The following GALNTL6 variants were observed in gnomAD, a reference collection of about 807,000 sequenced individuals.
GALNTL6 encodes polypeptide N-acetylgalactosaminyltransferase like 6.
Under a neutral mutation model 73.7 loss-of-function variants are expected in GALNTL6, and 46 were observed. That is an observed-to-expected ratio of 0.62 (90% CI 0.49 to 0.80). The LOEUF is 0.80. Ranked by LOEUF, GALNTL6 falls within the 30% of genes least tolerant of loss-of-function variation. The pLI is 0.00. For synonymous variants in GALNTL6, 259 were observed against 263.7 expected, an observed-to-expected ratio of 0.98 and a Z score of 0.17; for missense variants, 604 against 755.0, an observed-to-expected ratio of 0.80 and a Z score of 2.34.
At chr4:172,660,046 C>T (rs1221529093) in intron 5 of GALNTL6, among the ~76,000 whole-genome samples, 1 of 152,212 alleles carries the variant, frequency 6.6e-6, no homozygotes, top group Non-Finnish European at 1.5e-5. Flanking sequence ...TCACTTCAGC[C>T]TCAACCTTTC....
chr4:172,942,013 GCA>G (rs1748942506), intron 9 of GALNTL6, among the ~76,000 whole-genome samples: 2 of 152,144 alleles, frequency 1.3e-5, no homozygotes, highest in South Asian at 4.1e-4. Flanking sequence ...ATTTCCAACT[GCA>G]ATTCCAGCCC....
chr4:172,474,766 A>G (rs1393764578), intron 5 of GALNTL6, among the ~76,000 whole-genome samples: 1 of 152,214 alleles, frequency 6.6e-6, no homozygotes, highest in South Asian at 2.1e-4. Flanking sequence ...ATTCTCTTGG[A>G]ATGAATGAAA....
chr4:173,023,175 G>C (rs1474499896), intron 12 of GALNTL6, among the ~76,000 whole-genome samples: 1 of 152,212 alleles, frequency 6.6e-6, no homozygotes, highest in African/African-American at 2.4e-5. Context: ...TGGAGAGTCA[G>C]TGTGGGGAGA....
chr4:172,320,029 C>A (rs531842899), intron 4 of GALNTL6, among the ~76,000 whole-genome samples: 2 of 152,170 alleles, frequency 1.3e-5, no homozygotes, highest in South Asian at 2.1e-4. Context: ...ATCCAAGAGC[C>A]GTTTACCTAG....
At chr4:172,714,587 A>C (rs1021654776) in intron 5 of GALNTL6, among the ~76,000 whole-genome samples, 1 of 152,174 alleles carries the variant, frequency 6.6e-6, no homozygotes, top group African/African-American at 2.4e-5. Flanking sequence ...ATTTATGTAA[A>C]AATGTACTAT....
intron 4 of GALNTL6, among the ~76,000 whole-genome samples, chr4:172,334,543 C>T (rs1378986075): frequency 6.6e-6 from 1 of 152,030 alleles, no homozygotes; most frequent in Admixed American, 6.6e-5. Context: ...CTTTGGTGTA[C>T]AGAAGTGCTA....
intron 5 of GALNTL6, among the ~76,000 whole-genome samples, chr4:172,670,621 G>C (rs1313807305): frequency 1.3e-5 from 2 of 151,936 alleles, no homozygotes; most frequent in Non-Finnish European, 2.9e-5. Context: ...TTTGCTGATA[G>C]TTTCTTTTGT....
intron 2 of GALNTL6, among the ~76,000 whole-genome samples, chr4:172,047,637 A>C (rs1742259803): frequency 6.6e-6 from 1 of 152,182 alleles, no homozygotes; most frequent in Non-Finnish European, 1.5e-5. Flanking sequence ...TTTTGCAGTC[A>C]ATATCATTAT....
chr4:171,864,351 C>A (rs1735917586), intron 2 of GALNTL6, among the ~76,000 whole-genome samples: 1 of 149,928 alleles, frequency 6.7e-6, no homozygotes, highest in Non-Finnish European at 1.5e-5. Flanking sequence ...AAAGACAACT[C>A]AGTCTATGAT....
intron 2 of GALNTL6, among the ~76,000 whole-genome samples, chr4:172,220,713 A>C (rs1195085203): frequency 1.3e-5 from 2 of 151,868 alleles, no homozygotes; most frequent in Non-Finnish European, 3.0e-5. Context: ...TTTCAAATAC[A>C]AAGTTTGGAT....
chr4:172,897,879 C>T (rs1267685985), intron 8 of GALNTL6, among the ~76,000 whole-genome samples: 1 of 152,178 alleles, frequency 6.6e-6, no homozygotes, highest in Admixed American at 6.5e-5. Flanking sequence ...AAACTACTTC[C>T]TTCCAATCTT....
At position 172,865,205 on chromosome 4, in the gene GALNTL6, A is replaced by G. The variant is rs190005722; in HGVS notation, c.924-17585A>G. On this transcript the variant is annotated intron_variant, in intron 7 of 12. Coordinates refer to ENST00000506823, the MANE Select transcript of GALNTL6 (RefSeq NM_001034845.3). ...GCTGTCATAGAGAAAAGGCTGGTGC[A>G]CTAGTGCACAATAACTTCAATTTTT... Among the ~76,000 whole-genome samples, 26 of 152,354 alleles carry G rather than the reference A, an allele frequency of 1.7e-4. 1 individual carries two copies. In the East Asian group the frequency reaches 4.8e-3, roughly 28 times the overall value.
At position 172,069,967 on chromosome 4, in the gene GALNTL6, A is replaced by G. The variant is rs1242381252; in HGVS notation, c.139-159689A>G. Reference sequence around the variant, plus strand: ...ATCAGCTGGGTAAGAAGGTAATAGAAAAAGGGTGAACAGAGCATTGTATTC... The same window carrying G: ...ATCAGCTGGGTAAGAAGGTAATAGAGAAAGGGTGAACAGAGCATTGTATTC... On this transcript the variant is annotated intron_variant, in intron 2 of 12. Coordinates refer to ENST00000506823, the MANE Select transcript of GALNTL6 (RefSeq NM_001034845.3). 1.8e-5 allele frequency among the ~76,000 whole-genome samples: 2 copies of G among 108,118 alleles called. 1 individual carries two copies. 70.9% of individuals were successfully genotyped at this position (108,118 alleles called of 152,430 possible).
At chr4:172,054,223 A>G (rs116678642) in intron 2 of GALNTL6, among the ~76,000 whole-genome samples, 2,396 of 152,202 alleles carry the variant, frequency 0.016, 70 homozygotes, top group African/African-American at 0.054. Flanking sequence ...ATACTGCAAT[A>G]ACTTTAGATA....
In GALNTL6 at chr4:172,283,235, T is replaced by C. The variant is rs552615646; in HGVS notation, c.248-28379T>C. 7.9e-5 allele frequency among the ~76,000 whole-genome samples: 12 copies of C among 152,332 alleles called. No individual in the cohort carries two copies. The South Asian group carries it at 1.4e-3, about 18-fold the overall frequency. On this transcript the variant is annotated intron_variant, in intron 3 of 12. Coordinates refer to ENST00000506823, the MANE Select transcript of GALNTL6 (RefSeq NM_001034845.3). The stretch of plus-strand genomic sequence containing the variant: ...AATCACCTCACGAGGAAGTGTGTTA[T>C]AGAAGAATAGTAAAGATGTTAAAAG...
intron 5 of GALNTL6, among the ~76,000 whole-genome samples, chr4:172,562,115 T>A (rs901003258): frequency 6.6e-6 from 1 of 152,148 alleles, no homozygotes; most frequent in Admixed American, 6.5e-5. Context: ...AGAAGACAAA[T>A]GTGAAGCCAA....
intron 2 of GALNTL6, among the ~76,000 whole-genome samples, chr4:172,194,941 T>C (rs1221986020): frequency 6.6e-6 from 1 of 152,204 alleles, no homozygotes; most frequent in Non-Finnish European, 1.5e-5. Context: ...AATTTATGCA[T>C]AATAATATTA....
intron 2 of GALNTL6, among the ~76,000 whole-genome samples, chr4:171,999,964 G>T (rs990800570): frequency 1.3e-5 from 2 of 152,120 alleles, no homozygotes; most frequent in African/African-American, 4.8e-5. Context: ...ATGACAATTT[G>T]TTTATGGAAT....
At chr4:172,607,615 CA>C (rs1738358492) in intron 5 of GALNTL6, among the ~76,000 whole-genome samples, 1 of 152,080 alleles carries the variant, frequency 6.6e-6, no homozygotes, top group Non-Finnish European at 1.5e-5. Flanking sequence ...GGTGTATAGC[CA>C]ATAATGGGGT....
Sources: allele counts gnomAD v4.1 joint callset (sites outside exome capture counted in the v4.1 genomes callset), GRCh38; gene constraint gnomAD v4.1.1; transcripts MANE v1.5; gene names NCBI Gene and HGNC (gene_info 2026-07-23, HGNC 2026-07-21).